The following PCDH9 variants were observed in gnomAD, a reference collection of about 807,000 sequenced individuals.
PCDH9 encodes the protein protocadherin-9.
A neutral mutation model predicts 70.6 loss-of-function variants in PCDH9; 24 were observed. That is an observed-to-expected ratio of 0.34 (90% CI 0.25 to 0.48). The LOEUF (loss-of-function observed/expected upper bound fraction) is 0.48, where lower values mean the gene tolerates loss of function less well. Ranked by LOEUF, PCDH9 falls within the 20% of genes least tolerant of loss-of-function variation. PCDH9 has a pLI of 0.99. For synonymous variants in PCDH9, 562 were observed against 558.5 expected (o/e 1.01, Z -0.09); for missense variants, 1,281 against 1,503.6 (o/e 0.85, Z 2.45).
At chr13:66,389,478 GGT>G (rs1481660863) in intron 4 of PCDH9, among the ~76,000 whole-genome samples, 2 of 152,046 alleles carry the variant, frequency 1.3e-5, no homozygotes, top group African/African-American at 2.4e-5. Context: ...TCTCAAACAC[GGT>G]TTAATTTTTC....
At chr13:66,515,047 G>C (rs992204317) in intron 4 of PCDH9, among the ~76,000 whole-genome samples, 1 of 152,018 alleles carries the variant, frequency 6.6e-6, no homozygotes, top group African/African-American at 2.4e-5. Context: ...TGCTGTGAGA[G>C]CACTACTAGT....
chr13:66,924,904 G>A (rs1225095550), intron 2 of PCDH9, among the ~76,000 whole-genome samples: 3 of 151,696 alleles, frequency 2.0e-5, no homozygotes, highest in African/African-American at 7.3e-5. Context: ...ACACTGGAAG[G>A]CAGAATATAA....
At chr13:66,772,611 C>T (rs1238845892) in intron 3 of PCDH9, among the ~76,000 whole-genome samples, 1 of 151,924 alleles carries the variant, frequency 6.6e-6, no homozygotes, top group East Asian at 1.9e-4. Context: ...ATAAATAACC[C>T]ATAACATGGT....
At chr13:67,067,184 G>A (rs959045184) in intron 2 of PCDH9, among the ~76,000 whole-genome samples, 2 of 152,174 alleles carry the variant, frequency 1.3e-5, no homozygotes, top group African/African-American at 4.8e-5. Flanking sequence ...TTAATTGTGG[G>A]AGAAGGTGTC....
intron 4 of PCDH9, among the ~76,000 whole-genome samples, chr13:66,372,099 T>C (rs1449097863): frequency 2.0e-5 from 3 of 152,088 alleles, no homozygotes; most frequent in African/African-American, 7.2e-5. Flanking sequence ...TGATTGCTAA[T>C]TGTGTGCAGA....
intron 4 of PCDH9, among the ~76,000 whole-genome samples, chr13:66,566,102 A>G (rs1223333937): frequency 1.3e-5 from 2 of 152,202 alleles, no homozygotes; most frequent in Non-Finnish European, 2.9e-5. Context: ...AGAGATATTC[A>G]AGGTGGCAGT....
chr13:66,965,739 T>C (rs1284822832), intron 2 of PCDH9, among the ~76,000 whole-genome samples: 2 of 152,074 alleles, frequency 1.3e-5, no homozygotes, highest in African/African-American at 2.4e-5. Flanking sequence ...TATGCCTTAA[T>C]AACATCATGA....
intron 2 of PCDH9, among the ~76,000 whole-genome samples, chr13:67,016,126 C>A (rs2084556026): frequency 6.6e-6 from 1 of 152,054 alleles, no homozygotes; most frequent in Admixed American, 6.6e-5. Context: ...TTAGAGCCTG[C>A]CTTAGCTTTG....
intron 3 of PCDH9, among the ~76,000 whole-genome samples, chr13:66,832,603 A>T (rs1484311199): frequency 6.6e-6 from 1 of 152,148 alleles, no homozygotes; most frequent in Non-Finnish European, 1.5e-5. Context: ...TTACAACCTC[A>T]TTATATATTT....
chr13:67,052,019 G>A (rs1594444575), intron 2 of PCDH9, among the ~76,000 whole-genome samples: 1 of 152,222 alleles, frequency 6.6e-6, no homozygotes, highest in Middle Eastern at 3.4e-3. Context: ...AATTTTATAG[G>A]TGGAAGAAAT....
At chr13:67,071,888 C>CAAAAAAAAAAAAAAAA (rs5804309) in intron 2 of PCDH9, among the ~76,000 whole-genome samples, 22 of 86,652 alleles carry the variant, frequency 2.5e-4, no homozygotes, top group African/African-American at 6.2e-4. Context: ...GACTTTGTCT[C>CAAAAAAAAAAAAAAAA]AAAAAAAAAA....
rs964862529 is a variant in PCDH9 at position 66,304,069 on chromosome 13, T to A, written c.*586A>T. 2.6e-5 allele frequency: 4 copies of A among 152,362 alleles called. No homozygotes were observed. The highest frequency in any genetic ancestry group is 9.7e-5 in the African/African-American group (4 of 41,388). 9.4% of individuals were successfully genotyped at this position (152,362 alleles called of 1,614,324 possible). ...TAAAACACAGAATTATGCTACAACATTTTTAGGTGAACATTATAAGTACAC... is the reference window on the plus strand; with the variant it reads ...TAAAACACAGAATTATGCTACAACAATTTTAGGTGAACATTATAAGTACAC... On this transcript the variant is annotated 3_prime_UTR_variant, in exon 5 of 5. Transcript: ENST00000377865.
At chr13:66,435,292 A>G (rs1383283063) in intron 4 of PCDH9, among the ~76,000 whole-genome samples, 1 of 152,166 alleles carries the variant, frequency 6.6e-6, no homozygotes, top group Non-Finnish European at 1.5e-5. Flanking sequence ...TGAGAAAGGC[A>G]AAATAGGATA....
intron 3 of PCDH9, among the ~76,000 whole-genome samples, chr13:66,825,899 T>A (rs534736627): frequency 1.5e-4 from 23 of 152,232 alleles, no homozygotes; most frequent in Non-Finnish European, 2.1e-4. Flanking sequence ...CTAATTTTTT[T>A]AAAAAAGAAT....
At chr13:66,476,633 G>T (rs1419880413) in intron 4 of PCDH9, among the ~76,000 whole-genome samples, 1 of 151,910 alleles carries the variant, frequency 6.6e-6, no homozygotes, top group East Asian at 1.9e-4. Context: ...TCACAAAGTG[G>T]ACATAATGTA....
intron 4 of PCDH9, among the ~76,000 whole-genome samples, chr13:66,563,206 C>T (rs1266975416): frequency 1.3e-5 from 2 of 152,058 alleles, no homozygotes; most frequent in African/African-American, 2.4e-5. Flanking sequence ...TAAACCTGTC[C>T]CTGCCCTGTT....
chr13:66,445,566 G>A (rs9540758), intron 4 of PCDH9, among the ~76,000 whole-genome samples: 121,302 of 127,716 alleles, frequency 0.95, 57,656 homozygotes, highest in Non-Finnish European at 1. Context: ...TAATATATAC[G>A]TGTATATATT....
intron 4 of PCDH9, among the ~76,000 whole-genome samples, chr13:66,522,340 C>T (rs889978440): frequency 2.0e-5 from 3 of 151,814 alleles, no homozygotes; most frequent in Non-Finnish European, 4.4e-5. Context: ...CTGATATAAA[C>T]GGAAGATCCT....
At chr13:67,008,662 G>T (rs1351913638) in intron 2 of PCDH9, among the ~76,000 whole-genome samples, 2 of 152,082 alleles carry the variant, frequency 1.3e-5, no homozygotes, top group Non-Finnish European at 2.9e-5. Flanking sequence ...TGTCCAAAAA[G>T]AAGTCTGGAA....
Sources: gnomAD v4.1 joint callset for allele counts (sites outside exome capture counted in the v4.1 genomes callset) on GRCh38, gnomAD v4.1.1 for gene constraint, MANE v1.5 for transcripts, NCBI Gene and HGNC (gene_info 2026-07-23, HGNC 2026-07-21) for gene names.